Variants in GRM1 observed in about 807,000 individuals in gnomAD.
The protein encoded by GRM1 is metabotropic glutamate receptor 1.
A neutral mutation model predicts 90.9 loss-of-function variants in GRM1; 33 were observed. The ratio of observed to expected loss-of-function variants is 0.36; its 90% CI spans 0.28 to 0.49. The LOEUF is 0.49. GRM1 is among the 20% of genes least tolerant of loss of function. The pLI is 0.99. For synonymous variants in GRM1, 700 were observed against 613.2 expected (o/e 1.14, Z -2.09); for missense variants, 1,190 against 1,534.3 (o/e 0.78, Z 3.75).
rs998621292 is a variant in GRM1, at chr6:146,088,328, T to C, written c.700+58111T>C. ...TATTGAGTTTTGAGAGTTTGTTATA[T>C]ATTCTAAAAATATGTTCTTTGCCAG... On this transcript the variant is annotated intron_variant, in intron 1 of 7. Coordinates refer to ENST00000282753, the MANE Select transcript of GRM1 (RefSeq NM_001278064.2). 3.4e-4 allele frequency among the ~76,000 whole-genome samples: 52 copies of C among 152,276 alleles called. 1 individual carries two copies. The highest frequency in any genetic ancestry group is 3.4e-3 in the Middle Eastern group (1 of 294).
At chr6:146,177,067 C>T (rs528314409) in intron 2 of GRM1, among the ~76,000 whole-genome samples, 4 of 152,258 alleles carry the variant, frequency 2.6e-5, no homozygotes, top group African/African-American at 9.6e-5. Flanking sequence ...TAAATGGACT[C>T]AGCCTGAGCT....
chr6:146,226,200 C>T (rs1300322159), intron 2 of GRM1, among the ~76,000 whole-genome samples: 1 of 152,126 alleles, frequency 6.6e-6, no homozygotes, highest in Non-Finnish European at 1.5e-5. Flanking sequence ...CTGGGAAAAG[C>T]ACTTCCTCCT....
intron 1 of GRM1, among the ~76,000 whole-genome samples, chr6:146,091,769 T>G (rs1040466182): frequency 6.6e-6 from 1 of 152,050 alleles, no homozygotes; most frequent in African/African-American, 2.4e-5. Context: ...ATCTGAAGAA[T>G]TGTGAAAAAA....
intron 1 of GRM1, among the ~76,000 whole-genome samples, chr6:146,089,810 A>G (rs1776657862): frequency 6.6e-6 from 1 of 152,090 alleles, no homozygotes; most frequent in African/African-American, 2.4e-5. Context: ...AAATCCTTTC[A>G]GTCTCAAAAG....
chr6:146,066,176 A>C (rs1241404735), intron 1 of GRM1, among the ~76,000 whole-genome samples: 1 of 152,160 alleles, frequency 6.6e-6, no homozygotes, highest in Non-Finnish European at 1.5e-5. Flanking sequence ...TAGGTAAGAG[A>C]GTATATTACC....
chr6:146,189,798 A>G (rs1027256840), intron 2 of GRM1, among the ~76,000 whole-genome samples: 1 of 152,182 alleles, frequency 6.6e-6, no homozygotes, highest in African/African-American at 2.4e-5. Context: ...TTCTCTAGAC[A>G]TTGACCTTCC....
intron 2 of GRM1, among the ~76,000 whole-genome samples, chr6:146,192,892 C>A (rs540417689): frequency 3.9e-5 from 6 of 152,178 alleles, no homozygotes; most frequent in African/African-American, 1.4e-4. Flanking sequence ...GAAGAAGGAG[C>A]TTTTACTATC....
At chr6:146,091,559 G>A (rs6570738) in intron 1 of GRM1, among the ~76,000 whole-genome samples, 69,848 of 151,848 alleles carry the variant, frequency 0.46, 16,488 homozygotes, top group Middle Eastern at 0.55. Context: ...AAATTGCCCA[G>A]TGTGTTCAGG....
chr6:146,349,381 G>A (rs1451609754), intron 3 of GRM1, among the ~76,000 whole-genome samples: 2 of 151,646 alleles, frequency 1.3e-5, no homozygotes, highest in Non-Finnish European at 2.9e-5. Context: ...ACGCCCGGCC[G>A]TATTAGTATT....
intron 2 of GRM1, among the ~76,000 whole-genome samples, chr6:146,180,315 A>G (rs575027437): frequency 6.6e-6 from 1 of 152,246 alleles, no homozygotes; most frequent in African/African-American, 2.4e-5. Flanking sequence ...GTTAGGTACC[A>G]TATTTTCCAA....
chr6:146,361,267 C>G (rs1312626322), intron 5 of GRM1, among the ~76,000 whole-genome samples: 1 of 152,262 alleles, frequency 6.6e-6, no homozygotes, highest in East Asian at 1.9e-4. Flanking sequence ...AGAAGATGAA[C>G]GAGCAGTGAC....
At chr6:146,224,457 G>A (rs1780172219) in intron 2 of GRM1, among the ~76,000 whole-genome samples, 1 of 152,086 alleles carries the variant, frequency 6.6e-6, no homozygotes, top group South Asian at 2.1e-4. Flanking sequence ...AGAAAACTCA[G>A]AGGATGCCAT....
At chr6:146,322,930 A>C (rs1343411899) in intron 3 of GRM1, among the ~76,000 whole-genome samples, 1 of 152,060 alleles carries the variant, frequency 6.6e-6, no homozygotes, top group Non-Finnish European at 1.5e-5. Context: ...AAGGACATGA[A>C]CTCATCATTT....
chr6:146,069,732 C>G (rs1359666152), intron 1 of GRM1, among the ~76,000 whole-genome samples: 1 of 152,196 alleles, frequency 6.6e-6, no homozygotes, highest in Admixed American at 6.5e-5. Flanking sequence ...ATGAAAACTA[C>G]TGGAAAGCCA....
At position 146,035,942 on chromosome 6, in the gene GRM1, C is replaced by T. The variant is rs568635709; in HGVS notation, c.700+5725C>T. Among the ~76,000 whole-genome samples, 237 of 152,008 alleles carry T rather than the reference C, an allele frequency of 1.6e-3. 1 individual carries two copies. Among genetic ancestry groups the T allele is most frequent in the Admixed American group, 8.3e-3 (127 of 15,264 alleles). ...AGTAAACTTGAACTCTTTGTGATTCCTTTGCCACACAATCACCCTGTGACT... is the reference window on the plus strand; with the variant it reads ...AGTAAACTTGAACTCTTTGTGATTCTTTTGCCACACAATCACCCTGTGACT... On this transcript the variant is annotated intron_variant, in intron 1 of 7. Coordinates refer to ENST00000282753, the MANE Select transcript of GRM1 (RefSeq NM_001278064.2).
At chr6:146,144,226 G>A (rs1471727861) in intron 1 of GRM1, among the ~76,000 whole-genome samples, 4 of 152,262 alleles carry the variant, frequency 2.6e-5, no homozygotes, top group African/African-American at 9.6e-5. Flanking sequence ...GAGCACTTTG[G>A]TGTCTCTTCT....
chr6:146,048,789 A>T (rs993081795), intron 1 of GRM1, among the ~76,000 whole-genome samples: 1 of 152,004 alleles, frequency 6.6e-6, no homozygotes, highest in Admixed American at 6.6e-5. Flanking sequence ...CAAGCCAGGG[A>T]ATGCCAAAGA....
chr6:146,367,703 A>G (rs1252240236), intron 5 of GRM1, among the ~76,000 whole-genome samples: 3 of 152,160 alleles, frequency 2.0e-5, no homozygotes, highest in Non-Finnish European at 2.9e-5. Context: ...TTTGCTTAGG[A>G]TGATGGCCTC....
At chr6:146,348,615 A>G (rs933914289) in intron 3 of GRM1, among the ~76,000 whole-genome samples, 5 of 152,228 alleles carry the variant, frequency 3.3e-5, no homozygotes, top group Non-Finnish European at 7.3e-5. Context: ...ATTACATTGC[A>G]AATATTCCCC....
Sources: gnomAD v4.1 joint callset for allele counts (sites outside exome capture counted in the v4.1 genomes callset) on GRCh38, gnomAD v4.1.1 for gene constraint, MANE v1.5 for transcripts, NCBI Gene and HGNC (gene_info 2026-07-23, HGNC 2026-07-21) for gene names.